The following CIMAP3 variants were observed in gnomAD, a reference collection of about 807,000 sequenced individuals.
CIMAP3 encodes ciliary microtubule associated protein 3.
the CIMAP3 span, chr1:111,350,170 T>A: frequency 6.2e-7 from 1 of 1,614,042 alleles, no homozygotes; most frequent in African/African-American, 1.3e-5. Context: ...GAAATTTGGA[T>A]CTCCAGACTG....
At chr1:111,352,002 A>C in the CIMAP3 span, 1 of 152,238 alleles carries the variant, frequency 6.6e-6, no homozygotes, top group Non-Finnish European at 1.5e-5. Context: ...CCTGGCCTGA[A>C]GTCAGAGGAG....
chr1:111,337,991 A>C, the CIMAP3 span, among the ~76,000 whole-genome samples: 1 of 149,790 alleles, frequency 6.7e-6, no homozygotes, highest in African/African-American at 2.5e-5. Context: ...ATTATAACAA[A>C]CTATCTCTCA....
chr1:111,338,186 C>T, the CIMAP3 span, among the ~76,000 whole-genome samples: 3 of 151,760 alleles, frequency 2.0e-5, no homozygotes, highest in Non-Finnish European at 4.4e-5. Context: ...CTCTGGGACA[C>T]ATTCAAAGCA....
At chr1:111,328,830 G>A in the CIMAP3 span, among the ~76,000 whole-genome samples, 11 of 151,232 alleles carry the variant, frequency 7.3e-5, 1 homozygote, top group African/African-American at 2.7e-4. Flanking sequence ...TTTAAGTGGG[G>A]CATTCAGCCC....
the CIMAP3 span, among the ~76,000 whole-genome samples, chr1:111,333,841 G>A: frequency 0.019 from 2,955 of 152,216 alleles, 42 homozygotes; most frequent in Non-Finnish European, 0.031. Flanking sequence ...TAAATGTCAG[G>A]CATCTGCAAT....
chr1:111,346,545 C>T, the CIMAP3 span: 1 of 1,563,316 alleles, frequency 6.4e-7, no homozygotes, highest in Non-Finnish European at 8.7e-7. Context: ...GCCGCGCAGG[C>T]GCGCTCGGGC....
chr1:111,347,698 T>G, the CIMAP3 span: 8 of 1,612,586 alleles, frequency 5.0e-6, no homozygotes, highest in Non-Finnish European at 6.8e-6. Context: ...ATACGACTTA[T>G]CTAAGATCCC....
At chr1:111,334,670 TATC>T in the CIMAP3 span, among the ~76,000 whole-genome samples, 1 of 152,150 alleles carries the variant, frequency 6.6e-6, no homozygotes, top group Non-Finnish European at 1.5e-5. Context: ...TTCAGAAACT[TATC>T]AGAGAAATTT....
At chr1:111,339,746 G>A in the CIMAP3 span, among the ~76,000 whole-genome samples, 1 of 151,872 alleles carries the variant, frequency 6.6e-6, no homozygotes, top group Non-Finnish European at 1.5e-5. Flanking sequence ...CTCATGGGTA[G>A]GAAGAATCAA....
the CIMAP3 span, among the ~76,000 whole-genome samples, chr1:111,330,628 GGCCATAGATTGT>G: frequency 6.6e-6 from 1 of 152,186 alleles, no homozygotes; most frequent in Non-Finnish European, 1.5e-5. Flanking sequence ...CTTCAGTGCT[GGCCATAGATTGT>G]GACTTGGCAC....
At chr1:111,344,823 G>A in the CIMAP3 span, among the ~76,000 whole-genome samples, 1 of 152,140 alleles carries the variant, frequency 6.6e-6, no homozygotes, top group Non-Finnish European at 1.5e-5. Flanking sequence ...ACCACATGAA[G>A]ACATTTTGAT....
chr1:111,348,521 G>A, the CIMAP3 span: 4 of 1,600,680 alleles, frequency 2.5e-6, no homozygotes, highest in African/African-American at 5.4e-5. Flanking sequence ...AACAGGAAAT[G>A]ACACCTCATG....
At chr1:111,334,550 G>A in the CIMAP3 span, among the ~76,000 whole-genome samples, 1 of 152,158 alleles carries the variant, frequency 6.6e-6, no homozygotes, top group African/African-American at 2.4e-5. Context: ...ACAAAGCAAG[G>A]AACCAGTAAC....
At chr1:111,336,003 C>G in the CIMAP3 span, among the ~76,000 whole-genome samples, 1 of 152,242 alleles carries the variant, frequency 6.6e-6, no homozygotes, top group Non-Finnish European at 1.5e-5. Flanking sequence ...TGAGACAAAA[C>G]TTCCAGAGGA....
chr1:111,348,589 C>A, the CIMAP3 span: 6 of 1,612,902 alleles, frequency 3.7e-6, no homozygotes, highest in Non-Finnish European at 4.2e-6. Context: ...AATTTTGCTC[C>A]ATTTAATGTC....
the CIMAP3 span, chr1:111,351,189 A>G: frequency 2.7e-6 from 2 of 734,976 alleles, no homozygotes; most frequent in East Asian, 3.0e-5. Flanking sequence ...TTTTTTTTGC[A>G]TAACTGGGAA....
the CIMAP3 span, chr1:111,346,500 C>T: frequency 7.7e-6 from 9 of 1,173,930 alleles, no homozygotes; most frequent in Admixed American, 2.2e-4. Context: ...GTGCGGGTTC[C>T]TGCCCCAGTA....
At chr1:111,350,048 T>TG in the CIMAP3 span, 1 of 1,389,628 alleles carries the variant, frequency 7.2e-7, no homozygotes. Flanking sequence ...CTGGTACTGA[T>TG]GGAGTTTGTG....
the CIMAP3 span, among the ~76,000 whole-genome samples, chr1:111,337,781 G>T: frequency 6.6e-6 from 1 of 152,144 alleles, no homozygotes; most frequent in African/African-American, 2.4e-5. Context: ...GCATTAGACA[G>T]ATCAATGAGG....
Sources: allele counts gnomAD v4.1 joint callset (sites outside exome capture counted in the v4.1 genomes callset), GRCh38; gene constraint gnomAD v4.1.1; transcripts MANE v1.5; gene names NCBI Gene and HGNC (gene_info 2026-07-23, HGNC 2026-07-21).